Variants in ZFPM2 observed in about 807,000 individuals in gnomAD.
ZFPM2 encodes the protein zinc finger protein ZFPM2.
A neutral mutation model predicts 98.6 loss-of-function variants in ZFPM2; 20 were observed. The observed-to-expected ratio is 0.20, with a 90% CI of 0.14 to 0.29. The LOEUF (loss-of-function observed/expected upper bound fraction) is 0.29, where lower values mean the gene tolerates loss of function less well. Ranked by LOEUF, ZFPM2 falls within the 10% of genes least tolerant of loss-of-function variation. The probability of loss-of-function intolerance (pLI) is 1.00; values close to 1 mark genes in which losing one functional copy is unlikely to be tolerated. For synonymous variants in ZFPM2, 518 were observed against 502.7 expected (o/e 1.03, Z -0.41); for missense variants, 1,310 against 1,388.6 (o/e 0.94, Z 0.90).
intron 5 of ZFPM2, among the ~76,000 whole-genome samples, chr8:105,714,787 G>A (rs1019352410): frequency 1.3e-5 from 2 of 151,828 alleles, no homozygotes; most frequent in Admixed American, 6.6e-5. Context: ...TTAGGCATTC[G>A]TTTATTGTTT....
At chr8:105,713,166 T>C (rs2130981621) in intron 5 of ZFPM2, among the ~76,000 whole-genome samples, 1 of 152,228 alleles carries the variant, frequency 6.6e-6, no homozygotes, top group South Asian at 2.1e-4. Flanking sequence ...ATATAAACAT[T>C]CCTTTTTTCT....
chr8:105,495,425 G>C (rs953277090), intron 3 of ZFPM2, among the ~76,000 whole-genome samples: 3 of 152,158 alleles, frequency 2.0e-5, no homozygotes, highest in African/African-American at 7.2e-5. Context: ...CTTGATACAG[G>C]AAAGAATGAA....
intron 5 of ZFPM2, among the ~76,000 whole-genome samples, chr8:105,666,701 C>T (rs1261591148): frequency 6.6e-6 from 1 of 152,132 alleles, no homozygotes; most frequent in Non-Finnish European, 1.5e-5. Flanking sequence ...GGCATTTGCA[C>T]TGATGGTGCA....
intron 4 of ZFPM2, among the ~76,000 whole-genome samples, chr8:105,574,649 G>A (rs1157693343): frequency 1.3e-5 from 2 of 152,054 alleles, no homozygotes; most frequent in African/African-American, 4.8e-5. Context: ...AAGAGCAGAG[G>A]CACGTCACGT....
chr8:105,431,386 G>T (rs1192903908), intron 2 of ZFPM2, among the ~76,000 whole-genome samples: 6 of 152,126 alleles, frequency 3.9e-5, no homozygotes, highest in African/African-American at 1.4e-4. Context: ...AAGCATAATG[G>T]CAGTCAGTGC....
chr8:105,398,166 C>G (rs1185361012), intron 1 of ZFPM2, among the ~76,000 whole-genome samples: 1 of 152,160 alleles, frequency 6.6e-6, no homozygotes, highest in African/African-American at 2.4e-5. Context: ...AATAGTTAAG[C>G]TCAGTTCTAG....
At chr8:105,537,287 A>G (rs1200689611) in intron 3 of ZFPM2, among the ~76,000 whole-genome samples, 3 of 152,166 alleles carry the variant, frequency 2.0e-5, no homozygotes, top group Admixed American at 6.5e-5. Context: ...GACTACCAAG[A>G]CATGTAACCA....
intron 1 of ZFPM2, among the ~76,000 whole-genome samples, chr8:105,332,341 T>C (rs1812248926): frequency 6.6e-6 from 1 of 151,758 alleles, no homozygotes; most frequent in African/African-American, 2.4e-5. Context: ...CTTGTTCACT[T>C]CTATAACTAC....
intron 5 of ZFPM2, among the ~76,000 whole-genome samples, chr8:105,771,522 A>C (rs1341301463): frequency 6.6e-6 from 1 of 152,142 alleles, no homozygotes; most frequent in Non-Finnish European, 1.5e-5. Context: ...TTTTGTGCAA[A>C]TTAATGCATA....
chr8:105,408,305 A>G (rs1462436325), intron 1 of ZFPM2, among the ~76,000 whole-genome samples: 2 of 151,876 alleles, frequency 1.3e-5, no homozygotes, highest in Non-Finnish European at 1.5e-5. Context: ...GATATGTTTT[A>G]TAGGGAGGTG....
At chr8:105,346,777 G>A (rs533846871) in intron 1 of ZFPM2, among the ~76,000 whole-genome samples, 1 of 152,020 alleles carries the variant, frequency 6.6e-6, no homozygotes, top group Non-Finnish European at 1.5e-5. Context: ...GGGTTAAGGG[G>A]TTTTTTTTCA....
At chr8:105,713,593 A>G (rs1193460860) in intron 5 of ZFPM2, among the ~76,000 whole-genome samples, 1 of 151,870 alleles carries the variant, frequency 6.6e-6, no homozygotes, top group Non-Finnish European at 1.5e-5. Context: ...TTCTTTACCT[A>G]GGCTGATGTC....
At chr8:105,649,744 G>A (rs530745464) in intron 5 of ZFPM2, among the ~76,000 whole-genome samples, 1 of 152,212 alleles carries the variant, frequency 6.6e-6, no homozygotes, top group African/African-American at 2.4e-5. Context: ...CTTGATCATG[G>A]TGGATAAGCT....
chr8:105,452,755 CA>C (rs1812511997), intron 3 of ZFPM2, among the ~76,000 whole-genome samples: 1 of 151,094 alleles, frequency 6.6e-6, no homozygotes, highest in African/African-American at 2.5e-5. Flanking sequence ...CTGTCTCAAA[CA>C]ACAACAACAA....
intron 4 of ZFPM2, among the ~76,000 whole-genome samples, chr8:105,571,213 A>G (rs977588643): frequency 6.6e-6 from 1 of 152,176 alleles, no homozygotes; most frequent in Non-Finnish European, 1.5e-5. Flanking sequence ...GGATCCTTAC[A>G]TGAATTTTCT....
chr8:105,566,803 G>A (rs773673290), intron 4 of ZFPM2, among the ~76,000 whole-genome samples: 33 of 152,200 alleles, frequency 2.2e-4, no homozygotes, highest in African/African-American at 7.5e-4. Flanking sequence ...TAAACTCATC[G>A]CAACCTGTTA....
intron 4 of ZFPM2, 35 bp downstream of exon 4, chr8:105,561,516 C>T (rs1402449168): frequency 1.3e-6 from 2 of 1,490,064 alleles, no homozygotes; most frequent in Non-Finnish European, 1.8e-6. Context: ...AATATTTTGT[C>T]ATCGACTGTT....
At chr8:105,691,213 G>A (rs919528728) in intron 5 of ZFPM2, among the ~76,000 whole-genome samples, 4 of 141,112 alleles carry the variant, frequency 2.8e-5, no homozygotes, top group African/African-American at 5.4e-5. Flanking sequence ...TGGCTCAAGC[G>A]CCCTGTTCCC....
intron 1 of ZFPM2, among the ~76,000 whole-genome samples, chr8:105,337,047 A>C (rs934274999): frequency 4.0e-5 from 6 of 151,830 alleles, no homozygotes; most frequent in Non-Finnish European, 8.8e-5. Context: ...CGAAGAAACC[A>C]GTTGGTGAAA....
Sources: gnomAD v4.1 joint callset for allele counts (sites outside exome capture counted in the v4.1 genomes callset) on GRCh38, gnomAD v4.1.1 for gene constraint, MANE v1.5 for transcripts, NCBI Gene and HGNC (gene_info 2026-07-23, HGNC 2026-07-21) for gene names.